The following ERMN variants were observed in gnomAD, a reference collection of about 807,000 sequenced individuals.
The protein encoded by ERMN is ermin, ERM-like protein.
ERMN carries 17 observed loss-of-function variants against 21.4 expected under a neutral mutation model. The ratio of observed to expected loss-of-function variants is 0.80; its 90% CI spans 0.54 to 1.19. The LOEUF is 1.19. ERMN is among the 50% of genes most tolerant of loss of function. The pLI, the probability that ERMN is intolerant of heterozygous loss-of-function variation, is 0.00. For missense variants in ERMN, 348 were observed against 331.6 expected (o/e 1.05, Z -0.38); for synonymous variants, 115 against 111.9 (o/e 1.03, Z -0.17).
chr2:157,324,121 A>C (rs1186221229), intron 2 of ERMN: 8 of 248,532 alleles, frequency 3.2e-5, no homozygotes, highest in South Asian at 2.7e-4. Flanking sequence ...CACACACACA[A>C]AATAGCTGGG....
rs1437413276 is a variant in ERMN, at chr2:157,318,662, T to C, written c.*2609A>G. ...GTAAGTCAGACACAGCAGTTCTTTA[T>C]TTAAATTGTGGATAGTTTGGTAGGT... On this transcript the variant is annotated 3_prime_UTR_variant, in exon 3 of 3. Coordinates refer to ENST00000410096, the MANE Select transcript of ERMN (RefSeq NM_020711.3). 1 of 152,136 alleles carries C rather than the reference T, an allele frequency of 6.6e-6. No homozygotes were observed. The highest frequency in any genetic ancestry group is 1.5e-5 in the Non-Finnish European group (1 of 68,010). The allele number at this position is 152,136 out of a possible 1,614,324, so 9.4% of individuals were successfully genotyped here.
rs1252090377 is a variant in ERMN at position 157,321,654 on chromosome 2, C to A, written c.472G>T (p.Glu158Ter). The change falls in exon 3 of 3, where the codon GAA becomes TAA. Residue 158 changes from glutamate (E) to a stop codon, truncating the protein, a stop_gained. Transcript: ENST00000410096. LOFTEE classifies it high-confidence loss of function. ...KNKGHQAAEIEWLGFRKPSQA... is the reference protein window; with the variant it reads ...KNKGHQAAEI ...CTAGGTTTTCGAAATCCCAGCCATTCAATTTCAGCTGCCTGGTGACCTTTG... is the reference window on the plus strand; with the variant it reads ...CTAGGTTTTCGAAATCCCAGCCATTAAATTTCAGCTGCCTGGTGACCTTTG... The A allele has an allele frequency of 6.2e-7, 1 of 1,614,096 alleles. No individual in the cohort carries two copies. The highest frequency in any genetic ancestry group is 1.7e-5 in the Admixed American group (1 of 60,002).
upstream of ERMN, chr2:157,327,638 T>C (rs1484361926): frequency 6.6e-6 from 4 of 602,732 alleles, no homozygotes; most frequent in Non-Finnish European, 1.2e-5. Context: ...ATCCCTGGCC[T>C]GTGTGCAGAT....
Position 157,325,760 on chromosome 2 carries a change from C to A in ERMN, c.-118G>T. 1.3e-6 allele frequency: 2 copies of A among 1,560,210 alleles called. No individual in the cohort carries two copies. Among genetic ancestry groups the A allele is most frequent in the East Asian group, 2.3e-5 (1 of 44,362 alleles). The stretch of plus-strand genomic sequence containing the variant: ...ATAGTTCCAACTCCTACTCTAAGAG[C>A]ACAAATTATTCACTTTAGTACATAA... On this transcript the variant is annotated 5_prime_UTR_variant, in exon 1 of 3. Transcript: ENST00000410096.
At position 157,325,496 on chromosome 2, in the gene ERMN, C is replaced by T; in HGVS notation, c.147G>A (p.Leu49=). 1 of 1,614,120 alleles carries T rather than the reference C, an allele frequency of 6.2e-7. No homozygotes were observed. The highest frequency in any genetic ancestry group is 8.5e-7 in the Non-Finnish European group (1 of 1,180,016). The change falls in exon 1 of 3, where the codon CTG becomes CTA. Residue 49 remains leucine (L), a synonymous_variant. Coordinates refer to ENST00000410096, the MANE Select transcript of ERMN (RefSeq NM_020711.3). Reference sequence around the variant, plus strand: ...GACTTCCTTTGGTGAGTGCACCTTCCAGACTGGGTTCTACCCTGTAGTGTG... The same window carrying T: ...GACTTCCTTTGGTGAGTGCACCTTCTAGACTGGGTTCTACCCTGTAGTGTG... ...PLPHYRVEPS[L]EGALTKGSQE...
At chr2:157,327,630 C>A, upstream of ERMN, 4 of 632,208 alleles carry the variant, frequency 6.3e-6, no homozygotes, top group Non-Finnish European at 1.1e-5. Context: ...TAAGCGCCAT[C>A]CCTGGCCTGT....
At chr2:157,322,423 A>C (rs1354405615) in intron 2 of ERMN, among the ~76,000 whole-genome samples, 1 of 152,198 alleles carries the variant, frequency 6.6e-6, no homozygotes, top group Non-Finnish European at 1.5e-5. Context: ...GTAAGAATTA[A>C]TTATAAGGAA....
At chr2:157,322,378 T>C (rs1180046749) in intron 2 of ERMN, among the ~76,000 whole-genome samples, 1 of 152,134 alleles carries the variant, frequency 6.6e-6, no homozygotes, top group Non-Finnish European at 1.5e-5. Context: ...AGCTAGATCA[T>C]ACCAACATAC....
At chr2:157,322,089 T>C (rs1683924266) in intron 2 of ERMN, among the ~76,000 whole-genome samples, 1 of 152,142 alleles carries the variant, frequency 6.6e-6, no homozygotes, top group Admixed American at 6.6e-5. Context: ...CATTTGTCTA[T>C]GGAACTCTGT....
chr2:157,325,622 T>G lies in ERMN; in HGVS notation c.21A>C (p.Thr7=), dbSNP rs1684050580. ...CCCCATTACACTCAGCCTGGGTAAA[T>G]GTAGCCGGAACATCTGTCATGATGT... MTDVPA[T]FTQAECNGDK... The change falls in exon 1 of 3, where the codon ACA becomes ACC. Residue 7 remains threonine (T), a synonymous_variant. Coordinates refer to ENST00000410096, the MANE Select transcript of ERMN (RefSeq NM_020711.3). 5 of 1,614,074 alleles carry G rather than the reference T, an allele frequency of 3.1e-6. No homozygotes were observed. In the Admixed American group the frequency reaches 6.7e-5, roughly 22 times the overall value.
At position 157,321,401 on chromosome 2, in the gene ERMN, G is replaced by C. The variant is rs1221851305; in HGVS notation, c.725C>G (p.Pro242Arg). 6.2e-7 allele frequency: 1 copy of C among 1,614,104 alleles called. No individual in the cohort carries two copies. Among genetic ancestry groups the C allele is most frequent in the Non-Finnish European group, 8.5e-7 (1 of 1,179,998 alleles). The part of the protein sequence containing the change: ...SSQAVTPDEQ[P>R]TLGKKSDISR... ...GATATCACTCTTCTTCCCTAAGGTT[G>C]GCTGCTCATCAGGTGTCACAGCTTG... is the stretch of plus-strand genomic sequence containing the variant. The change falls in exon 3 of 3, where the codon CCA (proline) becomes CGA (arginine). Residue 242 changes from proline to arginine, a missense_variant. By Grantham distance (103) the Pro-to-Arg change is moderately radical. Coordinates refer to ENST00000410096, the MANE Select transcript of ERMN (RefSeq NM_020711.3).
At chr2:157,323,109 C>T (rs75743030) in intron 2 of ERMN, among the ~76,000 whole-genome samples, 6,627 of 152,244 alleles carry the variant, frequency 0.044, 215 homozygotes, top group Non-Finnish European at 0.069. Flanking sequence ...GAAAAACATA[C>T]TCCATCAAAC....
intron 2 of ERMN, 21 bp downstream of exon 2, chr2:157,324,649 C>T (rs62175215): frequency 6.3e-7 from 1 of 1,574,838 alleles, no homozygotes; most frequent in East Asian, 2.2e-5. Context: ...TTTCTGTGTA[C>T]AAAACTGTAG....
chr2:157,321,464 T>A lies in ERMN; in HGVS notation c.662A>T (p.Asp221Val), dbSNP rs768907980. The A allele has an allele frequency of 3.7e-6, 6 of 1,614,026 alleles. No individual in the cohort carries two copies. The highest frequency in any genetic ancestry group is 2.7e-5 in the African/African-American group (2 of 74,902). Residue 221 changes from aspartate (D) to valine (V), a missense_variant, in exon 3 of 3, where the codon GAT becomes GTT. Physicochemically the swap from Asp to Val is radical, Grantham distance 152. Transcript: ENST00000410096. ...EEVSQFKEEGDASEDSPLSSA... is the reference protein window; with the variant it reads ...EEVSQFKEEGVASEDSPLSSA... ...GCTCAGTGGGGAGTCCTCACTTGCA[T>A]CACCTTCCTCTTTAAATTGAGAAAC...
rs778032477 is a variant in ERMN, at chr2:157,321,686, C to A, written c.440G>T (p.Arg147Met). The part of the protein sequence containing the change: ...QPLKEEEDED[R>M]KNKGHQAAEI... ...AGCTGCCTGGTGACCTTTGTTCTTC[C>A]TGTCCTCATCTTCTTCCTCTTTGAG... Residue 147 changes from arginine (R) to methionine (M), a missense_variant, in exon 3 of 3, where the codon AGG becomes ATG. Transcript: ENST00000410096. 1.9e-6 allele frequency: 3 copies of A among 1,614,052 alleles called. No homozygotes were observed. The East Asian group carries it at 6.7e-5, about 36-fold the overall frequency.
At chr2:157,325,888 C>T (rs1022366528), upstream of ERMN, 2 of 1,393,162 alleles carry the variant, frequency 1.4e-6, no homozygotes, top group Non-Finnish European at 9.3e-7. Context: ...CAGCCAATCA[C>T]CACCTTCTTT....
chr2:157,323,131 C>A (rs985645607), intron 2 of ERMN, among the ~76,000 whole-genome samples: 5 of 152,120 alleles, frequency 3.3e-5, no homozygotes, highest in African/African-American at 9.7e-5. Context: ...GGAAAGGATT[C>A]ATTGAGGGAA....
intron 2 of ERMN, chr2:157,324,413 A>G: frequency 2.3e-6 from 1 of 429,698 alleles, no homozygotes; most frequent in East Asian, 4.9e-5. Flanking sequence ...GACTAACTTA[A>G]GAGATAGACA....
rs939410600 is a variant in ERMN at position 157,319,055 on chromosome 2, A to G, written c.*2216T>C. ...GTTACAAAGACTCAAATGGCCAACC[A>G]TCACCATTATGTTACCTGAGGTCAC... On this transcript the variant is annotated 3_prime_UTR_variant, in exon 3 of 3. Transcript: ENST00000410096. 1 of 152,164 alleles carries G rather than the reference A, an allele frequency of 6.6e-6. No homozygotes were observed. Among genetic ancestry groups the G allele is most frequent in the South Asian group, 2.1e-4 (1 of 4,828 alleles). The allele number at this position is 152,164 out of a possible 1,614,324, so 9.4% of individuals were successfully genotyped here.
Sources: gnomAD v4.1 joint callset for allele counts (sites outside exome capture counted in the v4.1 genomes callset) on GRCh38, gnomAD v4.1.1 for gene constraint, MANE v1.5 for transcripts, NCBI Gene and HGNC (gene_info 2026-07-23, HGNC 2026-07-21) for gene names.